VAC14: variants seen among roughly 807,000 people sequenced by gnomAD.
VAC14 encodes VAC14 component of PIKFYVE complex.
In VAC14, 47 loss-of-function variants were observed where a neutral mutation model predicts 85.3. That is an observed-to-expected ratio of 0.55 (90% CI 0.44 to 0.70). The LOEUF (loss-of-function observed/expected upper bound fraction) is 0.70. Ranked by LOEUF, VAC14 falls within the 30% of genes least tolerant of loss-of-function variation. VAC14 has a pLI of 0.00. For missense variants in VAC14, 861 were observed against 1,004.3 expected (o/e 0.86, Z 1.93); for synonymous variants, 447 against 430.5 (o/e 1.04, Z -0.47).
intron 14 of VAC14, chr16:70,715,436 C>G (rs547805901): frequency 6.6e-6 from 1 of 152,372 alleles, no homozygotes; most frequent in African/African-American, 2.4e-5. Context: ...GGCACTGTGC[C>G]AGGCACTGAC....
chr16:70,703,671 T>G (rs546560052), intron 14 of VAC14, among the ~76,000 whole-genome samples: 2 of 152,210 alleles, frequency 1.3e-5, no homozygotes, highest in African/African-American at 2.4e-5. Flanking sequence ...CCTGGACAGC[T>G]GCTCCCCCTT....
In VAC14 at chr16:70,754,360, G is replaced by A. The variant is rs559574735; in HGVS notation, c.1371+8180C>T. Among the ~76,000 whole-genome samples the A allele has an allele frequency of 1.5e-4, 23 of 152,294 alleles. No homozygotes were observed. In the East Asian group the frequency reaches 4.4e-3, roughly 29 times the overall value. On this transcript the variant is annotated intron_variant, in intron 12 of 18. Coordinates refer to ENST00000261776, the MANE Select transcript of VAC14 (RefSeq NM_018052.5). ...CGATTTGCCGCCAAGCCTCATTTTA[G>A]AAGACCACAGTCCTCTCTGAACCCC...
intron 12 of VAC14, among the ~76,000 whole-genome samples, chr16:70,751,715 T>C (rs2031401623): frequency 6.6e-6 from 1 of 152,162 alleles, no homozygotes; most frequent in African/African-American, 2.4e-5. Context: ...AAGGGTCCCC[T>C]GGGGGAGCCA....
chr16:70,702,392 G>A (rs1160407878), intron 14 of VAC14, among the ~76,000 whole-genome samples: 1 of 152,176 alleles, frequency 6.6e-6, no homozygotes, highest in African/African-American at 2.4e-5. Context: ...CACCACAAGA[G>A]GGAAAGGGAG....
chr16:70,756,907 TG>T (rs372891857), intron 12 of VAC14, among the ~76,000 whole-genome samples: 31 of 152,216 alleles, frequency 2.0e-4, no homozygotes, highest in African/African-American at 4.8e-4. Context: ...ATGCAGTGAG[TG>T]GGTTCCCAAA....
At position 70,780,804 on chromosome 16, in the gene VAC14, T is replaced by C. The variant is rs761564610; in HGVS notation, c.1082A>G (p.Glu361Gly). The change falls in exon 9 of 19, where the codon GAG (glutamate) becomes GGG (glycine). Residue 361 changes from glutamate (E) to glycine (G), a missense_variant. Glu to Gly is a moderately conservative substitution (Grantham distance 98). Coordinates refer to ENST00000261776, the MANE Select transcript of VAC14 (RefSeq NM_018052.5). ...PTPDDALPKQ[E>G]GTASGGPDGS... is the part of the protein sequence containing the mutation. ...AGTCCACTCACCACTGGCTGTGCCC[T>C]CCTGCTTTGGCAGGGCATCGTCAGG... 3.7e-6 allele frequency: 6 copies of C among 1,605,482 alleles called. No individual in the cohort carries two copies. The highest frequency in any genetic ancestry group is 1.1e-5 in the South Asian group (1 of 90,056).
rs529272636 is a variant in VAC14, at chr16:70,734,807, A to C, written c.1529-3180T>G. Among the ~76,000 whole-genome samples the C allele has an allele frequency of 7.3e-4, 111 of 151,024 alleles. No homozygotes were observed. In the South Asian group the frequency reaches 0.021, roughly 28 times the overall value. ...ACCAACAAAGAAACAAAAAAAAAAAACACTTGAAAAATATGCACCATTACC... is the reference window on the plus strand; with the variant it reads ...ACCAACAAAGAAACAAAAAAAAAAACCACTTGAAAAATATGCACCATTACC... On this transcript the variant is annotated intron_variant, in intron 13 of 18. Transcript: ENST00000261776.
At chr16:70,756,732 T>C (rs1382856101) in intron 12 of VAC14, among the ~76,000 whole-genome samples, 4 of 152,298 alleles carry the variant, frequency 2.6e-5, no homozygotes, top group Middle Eastern at 3.4e-3. Context: ...CCGGGCCACC[T>C]TGGACCGGGT....
chr16:70,735,566 G>T (rs757387466), intron 13 of VAC14, among the ~76,000 whole-genome samples: 1 of 152,244 alleles, frequency 6.6e-6, no homozygotes, highest in Non-Finnish European at 1.5e-5. Context: ...TCCTGCCGGG[G>T]AGATGGCTGG....
intron 10 of VAC14, chr16:70,768,862 G>A (rs940258397): frequency 4.0e-5 from 18 of 451,030 alleles, no homozygotes; most frequent in East Asian, 1.4e-4. Context: ...GTGCAGTGGC[G>A]CGATCTCGGC....
intron 1 of VAC14, among the ~76,000 whole-genome samples, chr16:70,792,504 T>C (rs1596967451): frequency 6.6e-6 from 1 of 152,200 alleles, no homozygotes; most frequent in Non-Finnish European, 1.5e-5. Flanking sequence ...TGGAGAGGTG[T>C]CCTCTAGAGG....
At chr16:70,740,682 G>C (rs2030191009) in intron 13 of VAC14, among the ~76,000 whole-genome samples, 1 of 152,148 alleles carries the variant, frequency 6.6e-6, no homozygotes, top group African/African-American at 2.4e-5. Flanking sequence ...AGGAAAGTGT[G>C]GTGTCCCTCA....
At chr16:70,799,511 G>C (rs1471285067) in intron 1 of VAC14, among the ~76,000 whole-genome samples, 1 of 152,188 alleles carries the variant, frequency 6.6e-6, no homozygotes, top group Non-Finnish European at 1.5e-5. Context: ...TGGATTGCAA[G>C]CAGCAGTTGT....
chr16:70,735,084 G>C (rs1380585991), intron 13 of VAC14, among the ~76,000 whole-genome samples: 2 of 152,216 alleles, frequency 1.3e-5, no homozygotes, highest in African/African-American at 4.8e-5. Flanking sequence ...GTCCTGCCAA[G>C]CTGAGACTGA....
intron 12 of VAC14, chr16:70,755,952 C>T: frequency 2.2e-6 from 1 of 454,008 alleles, no homozygotes; most frequent in Admixed American, 2.4e-5. Context: ...GGGTTTGGGG[C>T]TTCCCCCAGG....
intron 16 of VAC14, 46 bp from the exon 17 acceptor site, chr16:70,695,669 C>T (rs967918590): frequency 2.1e-5 from 33 of 1,582,268 alleles, no homozygotes; most frequent in Non-Finnish European, 2.5e-5. Context: ...CCAGCACAGC[C>T]GCAGCTCACA....
At chr16:70,766,678 G>A (rs1419638776) in intron 10 of VAC14, 1 of 342,254 alleles carries the variant, frequency 2.9e-6, no homozygotes, top group Admixed American at 3.9e-5. Flanking sequence ...ACTCTCCCTG[G>A]GCTTTTCTTC....
At chr16:70,734,297 C>G (rs1179102118) in intron 13 of VAC14, among the ~76,000 whole-genome samples, 1 of 152,084 alleles carries the variant, frequency 6.6e-6, no homozygotes, top group Non-Finnish European at 1.5e-5. Context: ...TGCCATCACA[C>G]CCAGCTAAAT....
intron 10 of VAC14, among the ~76,000 whole-genome samples, chr16:70,767,742 CCT>C (rs1490557464): frequency 6.6e-6 from 1 of 152,222 alleles, no homozygotes; most frequent in Non-Finnish European, 1.5e-5. Context: ...AAGAAGTTAA[CCT>C]CTCTGGGTCT....
Sources: gnomAD v4.1 joint callset for allele counts (sites outside exome capture counted in the v4.1 genomes callset) on GRCh38, gnomAD v4.1.1 for gene constraint, MANE v1.5 for transcripts, NCBI Gene and HGNC (gene_info 2026-07-23, HGNC 2026-07-21) for gene names.